The following GBE1 variants were observed in gnomAD, a reference collection of about 807,000 sequenced individuals.
GBE1 encodes the protein 1,4-alpha-glucan branching enzyme 1.
GBE1 carries 70 observed loss-of-function variants against 88.8 expected under a neutral mutation model. That is an observed-to-expected ratio of 0.79 (90% CI 0.65 to 0.96). GBE1 has a LOEUF of 0.96. Ranked by LOEUF, GBE1 falls within the 40% of genes least tolerant of loss-of-function variation. The pLI, the probability that GBE1 is intolerant of heterozygous loss-of-function variation, is 0.00. For missense variants in GBE1, 872 were observed against 871.0 expected, an observed-to-expected ratio of 1.00 and a Z score of -0.01; for synonymous variants, 284 against 300.1, an observed-to-expected ratio of 0.95 and a Z score of 0.56.
Position 81,593,889 on chromosome 3 carries a change from AT to A in GBE1, c.1108+18del. ...GCTTCTGCAATTAACCCCAAACCTG[AT>A]TATATCAGGTTACCTACCCACTCCA... On this transcript the variant is annotated intron_variant, in intron 8 of 15. Coordinates refer to ENST00000429644, the MANE Select transcript of GBE1 (RefSeq NM_000158.4). 7.6e-7 allele frequency: 1 copy of A among 1,314,990 alleles called. No individual in the cohort carries two copies. Among genetic ancestry groups the A allele is most frequent in the Non-Finnish European group, 1.1e-6 (1 of 936,192 alleles). The allele number at this position is 1,314,990 out of a possible 1,614,324, so 81.5% of individuals were successfully genotyped here. A position where few individuals can be genotyped will look rare whatever the true frequency, so the allele number is the denominator to read the frequency against.
rs569502042 is a variant in GBE1 at position 81,558,400 on chromosome 3, C to CATCT, written c.1618+19521_1618+19524dup. Reference sequence around the variant, plus strand: ...AACAACTTAGGTATCAAATATATATCATCTATCTATCTATCTATCTATCTC... The same window carrying CATCT: ...AACAACTTAGGTATCAAATATATATCATCTATCTATCTATCTATCTATCTATCTC... On this transcript the variant is annotated intron_variant, in intron 12 of 15. Transcript: ENST00000429644. Among the ~76,000 whole-genome samples the CATCT allele has an allele frequency of 8.6e-4, 130 of 151,952 alleles. 2 individuals carry two copies. The highest frequency in any genetic ancestry group is 6.8e-3 in the Middle Eastern group (2 of 292).
chr3:81,569,503 C>G (rs190970361), intron 12 of GBE1, among the ~76,000 whole-genome samples: 286 of 152,306 alleles, frequency 1.9e-3, no homozygotes, highest in Non-Finnish European at 3.3e-3. Flanking sequence ...CATTTAAGAG[C>G]TTGACCTGTG....
At chr3:81,524,622 C>G (rs1702920090) in intron 14 of GBE1, among the ~76,000 whole-genome samples, 3 of 151,932 alleles carry the variant, frequency 2.0e-5, no homozygotes, top group Admixed American at 2.0e-4. Context: ...CATTTTTCCA[C>G]ATAAGGATAT....
At chr3:81,736,618 G>A (rs1319413815) in intron 1 of GBE1, among the ~76,000 whole-genome samples, 1 of 152,142 alleles carries the variant, frequency 6.6e-6, no homozygotes, top group East Asian at 1.9e-4. Flanking sequence ...TAAACCGGAA[G>A]GAAATGAGAG....
chr3:81,625,466 T>A (rs1257771328), intron 7 of GBE1, among the ~76,000 whole-genome samples: 1 of 152,044 alleles, frequency 6.6e-6, no homozygotes, highest in African/African-American at 2.4e-5. Context: ...TTAGACTGTG[T>A]CTCACTCTGT....
At chr3:81,594,458 T>A (rs1253712692) in intron 7 of GBE1, among the ~76,000 whole-genome samples, 1 of 152,084 alleles carries the variant, frequency 6.6e-6, no homozygotes, top group Non-Finnish European at 1.5e-5. Flanking sequence ...GTGATTTTTC[T>A]CCTTTCAGAA....
intron 1 of GBE1, among the ~76,000 whole-genome samples, chr3:81,734,269 A>G (rs1706226022): frequency 6.6e-6 from 1 of 152,174 alleles, no homozygotes; most frequent in African/African-American, 2.4e-5. Context: ...CTCCATTCAA[A>G]AATGAAGCTC....
intron 1 of GBE1, 47 bp downstream of exon 1, chr3:81,761,328 G>C (rs1285852043): frequency 6.4e-7 from 1 of 1,569,882 alleles, no homozygotes; most frequent in Middle Eastern, 1.8e-4. Context: ...CGGCTCCTGG[G>C]AGGCGGGCTG....
At chr3:81,582,699 C>T (rs147418846) in intron 10 of GBE1, among the ~76,000 whole-genome samples, 24 of 152,058 alleles carry the variant, frequency 1.6e-4, no homozygotes, top group African/African-American at 5.5e-4. Flanking sequence ...AAAAAGAGAA[C>T]GATAAAGAAC....
At chr3:81,658,907 T>C (rs1314029286) in intron 3 of GBE1, among the ~76,000 whole-genome samples, 2 of 152,216 alleles carry the variant, frequency 1.3e-5, no homozygotes, top group Non-Finnish European at 2.9e-5. Flanking sequence ...GCTGAGATGT[T>C]GTAATCATGT....
intron 2 of GBE1, among the ~76,000 whole-genome samples, chr3:81,676,514 T>C (rs1244309970): frequency 2.6e-5 from 4 of 152,210 alleles, no homozygotes; most frequent in East Asian, 1.9e-4. Flanking sequence ...AATTAATATG[T>C]ACTAATTACT....
At chr3:81,636,249 G>A (rs1704590016) in intron 7 of GBE1, among the ~76,000 whole-genome samples, 1 of 152,178 alleles carries the variant, frequency 6.6e-6, no homozygotes, top group African/African-American at 2.4e-5. Context: ...TGAAAGAGTA[G>A]TAGATTTAAC....
chr3:81,502,823 C>A (rs1267262412), intron 14 of GBE1, among the ~76,000 whole-genome samples: 1 of 152,136 alleles, frequency 6.6e-6, no homozygotes, highest in African/African-American at 2.4e-5. Flanking sequence ...CTACATCATC[C>A]TTTTTCTGTG....
chr3:81,663,840 G>A (rs2107102106), intron 3 of GBE1, among the ~76,000 whole-genome samples: 1 of 152,256 alleles, frequency 6.6e-6, no homozygotes, highest in East Asian at 1.9e-4. Context: ...GAAGTAGTGA[G>A]CCACACCCCC....
At chr3:81,543,403 A>G (rs537842241) in intron 12 of GBE1, among the ~76,000 whole-genome samples, 26 of 152,128 alleles carry the variant, frequency 1.7e-4, no homozygotes, top group Non-Finnish European at 3.2e-4. Flanking sequence ...CAAACGCAAC[A>G]TTAAATTTCA....
intron 12 of GBE1, among the ~76,000 whole-genome samples, chr3:81,568,224 T>C (rs1215894168): frequency 6.6e-6 from 1 of 152,136 alleles, no homozygotes; most frequent in Non-Finnish European, 1.5e-5. Flanking sequence ...CTGGTCTCAC[T>C]GCAACCTCTG....
intron 7 of GBE1, among the ~76,000 whole-genome samples, chr3:81,597,475 A>C (rs893568588): frequency 3.0e-5 from 4 of 133,796 alleles, no homozygotes; most frequent in Non-Finnish European, 4.7e-5. Flanking sequence ...ATATATATAT[A>C]TCTCAAAATA....
At chr3:81,581,079 G>T in intron 11 of GBE1, 86 bp downstream of exon 11, 2 of 762,170 alleles carry the variant, frequency 2.6e-6, no homozygotes, top group Middle Eastern at 2.3e-4. Context: ...ATTTCGATAT[G>T]TTTATATTTA....
intron 7 of GBE1, among the ~76,000 whole-genome samples, chr3:81,635,613 C>T (rs76880918): frequency 0.033 from 4,987 of 152,188 alleles, 101 homozygotes; most frequent in Non-Finnish European, 0.053. Context: ...AGCTGTTTTG[C>T]TACACCCAGA....
Sources: allele counts gnomAD v4.1 joint callset (sites outside exome capture counted in the v4.1 genomes callset), GRCh38; gene constraint gnomAD v4.1.1; transcripts MANE v1.5; gene names NCBI Gene and HGNC (gene_info 2026-07-23, HGNC 2026-07-21).